The following ADAMTS17 variants were observed in gnomAD, a reference collection of about 807,000 sequenced individuals.
ADAMTS17 encodes the protein ADAM metallopeptidase with thrombospondin type 1 motif 17, also known as A disintegrin and metalloproteinase with thrombospondin motifs 17.
In ADAMTS17, 113 loss-of-function variants were observed where a neutral mutation model predicts 141.5. The observed-to-expected ratio is 0.80, with a 90% CI of 0.69 to 0.93. The LOEUF (loss-of-function observed/expected upper bound fraction) is 0.93. Among genes scored for constraint, ADAMTS17 ranks in the 40% least tolerant of loss-of-function variants. The pLI, the probability that ADAMTS17 is intolerant of heterozygous loss-of-function variation, is 0.00. For missense variants in ADAMTS17, 1,659 were observed against 1,517.9 expected (o/e 1.09, Z -1.54); for synonymous variants, 768 against 630.6 (o/e 1.22, Z -3.27).
intron 18 of ADAMTS17, among the ~76,000 whole-genome samples, chr15:100,022,666 C>A (rs1010988668): frequency 6.6e-6 from 1 of 152,090 alleles, no homozygotes; most frequent in Non-Finnish European, 1.5e-5. Context: ...GGCAGTGAAC[C>A]CGGTCCAAAA....
intron 7 of ADAMTS17, among the ~76,000 whole-genome samples, chr15:100,217,530 C>T (rs2042006599): frequency 6.6e-6 from 1 of 152,016 alleles, no homozygotes; most frequent in Non-Finnish European, 1.5e-5. Context: ...ATCCGGGAGG[C>T]GGAGGCTGCA....
intron 13 of ADAMTS17, among the ~76,000 whole-genome samples, chr15:100,114,586 G>C (rs1009966945): frequency 6.6e-6 from 1 of 152,200 alleles, no homozygotes; most frequent in Admixed American, 6.5e-5. Flanking sequence ...CGAGCGTGGG[G>C]TCTCTCCTTC....
intron 7 of ADAMTS17, among the ~76,000 whole-genome samples, chr15:100,232,315 G>A (rs1367533579): frequency 1.3e-5 from 2 of 152,200 alleles, no homozygotes; most frequent in Non-Finnish European, 1.5e-5. Context: ...GCTTCCCCCT[G>A]CCAGCACCTC....
Position 99,972,769 on chromosome 15 carries a change from G to A in ADAMTS17, c.*1633C>T, listed in dbSNP as rs1025771588. The A allele has an allele frequency of 5.9e-5, 9 of 152,192 alleles. No individual in the cohort carries two copies. Among genetic ancestry groups the A allele is most frequent in the African/African-American group, 1.4e-4 (6 of 41,440 alleles). The allele number at this position is 152,192 out of a possible 1,614,324, so 9.4% of individuals were successfully genotyped here. On this transcript the variant is annotated 3_prime_UTR_variant, in exon 22 of 22. Transcript: ENST00000268070. ...TCCCTGACATCCCTACCGCTTCTCT[G>A]CCTCTAGGGTAGTAAAAACAAAAAC...
At chr15:100,034,832 A>T (rs1373305184) in intron 18 of ADAMTS17, among the ~76,000 whole-genome samples, 1 of 152,204 alleles carries the variant, frequency 6.6e-6, no homozygotes, top group Non-Finnish European at 1.5e-5. Flanking sequence ...TGATAAACTC[A>T]TTCCCACATA....
At chr15:100,236,465 G>C (rs929459017) in intron 7 of ADAMTS17, among the ~76,000 whole-genome samples, 1 of 152,068 alleles carries the variant, frequency 6.6e-6, no homozygotes, top group East Asian at 1.9e-4. Context: ...ATGTGATCCA[G>C]AGGCATGTAA....
intron 3 of ADAMTS17, among the ~76,000 whole-genome samples, chr15:100,318,273 C>T (rs562263402): frequency 2.0e-5 from 3 of 151,884 alleles, no homozygotes; most frequent in South Asian, 2.1e-4. Context: ...ATCTAACACC[C>T]GCCCCCCCTT....
chr15:100,091,826 G>A (rs1469790393), intron 15 of ADAMTS17, among the ~76,000 whole-genome samples: 1 of 152,094 alleles, frequency 6.6e-6, no homozygotes, highest in Non-Finnish European at 1.5e-5. Flanking sequence ...ATTTGGAGAG[G>A]CATTTGTTTT....
chr15:100,269,475 A>C (rs2142025650), intron 4 of ADAMTS17, among the ~76,000 whole-genome samples: 2 of 152,256 alleles, frequency 1.3e-5, no homozygotes, highest in Middle Eastern at 6.8e-3. Context: ...TTAGGGGCCA[A>C]ACAGCATCTA....
intron 18 of ADAMTS17, among the ~76,000 whole-genome samples, chr15:100,010,418 G>C (rs1345095341): frequency 6.6e-6 from 1 of 152,210 alleles, no homozygotes; most frequent in Admixed American, 6.5e-5. Flanking sequence ...CGTGGTGCAG[G>C]ACCAGGGAGA....
intron 2 of ADAMTS17, among the ~76,000 whole-genome samples, chr15:100,332,533 G>C (rs1195132671): frequency 6.6e-6 from 1 of 152,212 alleles, no homozygotes; most frequent in East Asian, 1.9e-4. Context: ...GCCCCCCCAG[G>C]ATCTAGCACT....
In ADAMTS17 at chr15:100,341,317, C is replaced by T. The variant is rs2046359422; in HGVS notation, c.172G>A (p.Gly58Arg). 3.9e-6 allele frequency: 4 copies of T among 1,038,178 alleles called. No homozygotes were observed. The highest frequency in any genetic ancestry group is 2.3e-6 in the Non-Finnish European group (2 of 866,726). The allele number at this position is 1,038,178 out of a possible 1,614,324, so 64.3% of individuals were successfully genotyped here. ...CGGGGGCGTCGCCGCCGTCGGGGCC[C>T]GGGGGCTGCGGGCAGCGGCGGCAGG... ...VHLPPLPAAP[G>R]PRRRRRPRTP... is the part of the protein sequence containing the mutation. Residue 58 changes from glycine to arginine, a missense_variant, in exon 2 of 22, where the codon GGG (glycine) becomes AGG (arginine). Transcript: ENST00000268070.
chr15:100,153,219 G>C (rs1476722208), intron 9 of ADAMTS17, among the ~76,000 whole-genome samples: 1 of 152,222 alleles, frequency 6.6e-6, no homozygotes, highest in African/African-American at 2.4e-5. Flanking sequence ...CTTTTCGAGT[G>C]CTTGTGGGAC....
chr15:100,036,866 T>C (rs1368968309), intron 18 of ADAMTS17, among the ~76,000 whole-genome samples: 1 of 152,224 alleles, frequency 6.6e-6, no homozygotes, highest in East Asian at 1.9e-4. Context: ...TTTTTCCACC[T>C]AGCATGTTTT....
rs147818887 is a variant in ADAMTS17 at position 100,029,258 on chromosome 15, C to G, written c.2591+19599G>C. Among the ~76,000 whole-genome samples the G allele has an allele frequency of 2.1e-3, 314 of 152,326 alleles. 2 individuals carry two copies. The highest frequency in any genetic ancestry group is 6.9e-3 in the African/African-American group (287 of 41,572). On this transcript the variant is annotated intron_variant, in intron 18 of 21. Coordinates refer to ENST00000268070, the MANE Select transcript of ADAMTS17 (RefSeq NM_139057.4). ...TGTAGCTGTGGGAACAAAACTACCTCTACTCTGACCTTTACTTATTCTATT... is the reference window on the plus strand; with the variant it reads ...TGTAGCTGTGGGAACAAAACTACCTGTACTCTGACCTTTACTTATTCTATT...
intron 20 of ADAMTS17, among the ~76,000 whole-genome samples, chr15:99,981,904 A>G (rs2060488663): frequency 6.6e-6 from 1 of 152,220 alleles, no homozygotes; most frequent in Non-Finnish European, 1.5e-5. Flanking sequence ...GCCCTGGCCT[A>G]AAATCCACAG....
intron 20 of ADAMTS17, among the ~76,000 whole-genome samples, chr15:99,987,955 A>T (rs1168083188): frequency 6.6e-6 from 1 of 151,888 alleles, no homozygotes; most frequent in Non-Finnish European, 1.5e-5. Context: ...CTCCTGGTAC[A>T]CCATACACAC....
intron 15 of ADAMTS17, among the ~76,000 whole-genome samples, chr15:100,071,871 C>A (rs2033996197): frequency 6.7e-6 from 1 of 150,360 alleles, no homozygotes; most frequent in Admixed American, 6.6e-5. Context: ...TCTCTCGCCA[C>A]TCCTATTCAA....
At position 100,127,995 on chromosome 15, in the gene ADAMTS17, T is replaced by C. The variant is rs183889911; in HGVS notation, c.1721+4012A>G. Among the ~76,000 whole-genome samples the C allele has an allele frequency of 3.5e-3, 533 of 152,076 alleles. 7 individuals carry two copies. Among genetic ancestry groups the C allele is most frequent in the African/African-American group, 0.012 (505 of 41,460 alleles). ...ATGCCTAAGGGAACCCAGTGCGTGG[T>C]GCAGGTCTGCTGCATTCACCACCCT... On this transcript the variant is annotated intron_variant, in intron 12 of 21. Transcript: ENST00000268070.
Sources: gnomAD v4.1 joint callset for allele counts (sites outside exome capture counted in the v4.1 genomes callset) on GRCh38, gnomAD v4.1.1 for gene constraint, MANE v1.5 for transcripts, NCBI Gene and HGNC (gene_info 2026-07-23, HGNC 2026-07-21) for gene names.